Variants in TRPC7 observed in about 807,000 individuals in gnomAD.
The protein encoded by TRPC7 is transient receptor potential cation channel subfamily C member 7, also known as short transient receptor potential channel 7.
A neutral mutation model predicts 90.1 loss-of-function variants in TRPC7; 42 were observed. The observed-to-expected ratio is 0.47, with a 90% CI of 0.36 to 0.60. TRPC7 has a LOEUF of 0.60. Ranked by LOEUF, TRPC7 falls within the 20% of genes least tolerant of loss-of-function variation. The pLI is 0.00. For synonymous variants in TRPC7, 451 were observed against 436.3 expected (o/e 1.03, Z -0.42); for missense variants, 955 against 1,112.3 (o/e 0.86, Z 2.01).
chr5:136,332,982 ATG>A (rs1759546526), intron 2 of TRPC7, among the ~76,000 whole-genome samples: 1 of 152,210 alleles, frequency 6.6e-6, no homozygotes, highest in Non-Finnish European at 1.5e-5. Flanking sequence ...CAAGAGAAGA[ATG>A]TGCCTAGGTG....
intron 10 of TRPC7, among the ~76,000 whole-genome samples, chr5:136,225,059 C>T (rs376022002): frequency 5.3e-5 from 8 of 152,286 alleles, no homozygotes; most frequent in Middle Eastern, 3.4e-3. Context: ...CATCACTAGA[C>T]TGGAGGTGCC....
At position 136,357,151 on chromosome 5, in the gene TRPC7, C is replaced by T; in HGVS notation, c.237G>A (p.Gln79=). ...TGCCCACGGCCAGCTGCAGAGCGTT[C>T]TGCCCCATGTAGTCCACACAGTTGA... is the stretch of plus-strand genomic sequence containing the variant. ...LNFNCVDYMG[Q]NALQLAVGNE... Residue 79 remains glutamine, a synonymous_variant, in exon 2 of 12, where the codon CAG becomes CAA. Transcript: ENST00000513104. The T allele has an allele frequency of 6.2e-7, 1 of 1,614,126 alleles. No individual in the cohort carries two copies. The highest frequency in any genetic ancestry group is 8.5e-7 in the Non-Finnish European group (1 of 1,180,026).
In TRPC7 at chr5:136,357,185, G is replaced by C; in HGVS notation, c.203C>G (p.Thr68Ser). The C allele has an allele frequency of 1.2e-6, 2 of 1,613,974 alleles. No homozygotes were observed. Among genetic ancestry groups the C allele is most frequent in the Non-Finnish European group, 1.7e-6 (2 of 1,179,984 alleles). ...VVRKMLEESK[T>S]LNFNCVDYMG... ...GTAGTCCACACAGTTGAAGTTAAGG[G>C]TCTTGGACTCCTCCAGCATTTTCCG... The change falls in exon 2 of 12, where the codon ACC becomes AGC. Residue 68 changes from threonine (T) to serine (S), a missense_variant. By Grantham distance (58) the Thr-to-Ser change is moderately conservative. This residue lies in a region of TRPC7 where 161 missense variants were observed against 145.7 expected (regional missense o/e 1.10). Transcript: ENST00000513104.
intron 10 of TRPC7, among the ~76,000 whole-genome samples, chr5:136,218,175 C>A (rs1356492373): frequency 4.3e-5 from 6 of 138,558 alleles, no homozygotes; most frequent in Admixed American, 7.3e-5. Context: ...TAATATATAT[C>A]TCAAAAATAT....
In TRPC7 at chr5:136,315,707, CTG is replaced by C; in HGVS notation, c.851_852del (p.Thr284ArgfsTer10). 6.2e-7 allele frequency: 1 copy of C among 1,614,102 alleles called. No homozygotes were observed. Among genetic ancestry groups the C allele is most frequent in the African/African-American group, 1.3e-5 (1 of 75,054 alleles). On this transcript the variant is annotated frameshift_variant, in exon 3 of 12. Transcript: ENST00000513104. LOFTEE classifies it high-confidence loss of function. ...VVGVLDLCRD[T>X]EEVEAILNGD... ...CCGTTTAAAATTGCTTCCACCTCTTCTGTGTCTCGGCACAGGTCCAGCACGCC... is the reference window on the plus strand; with the variant it reads ...CCGTTTAAAATTGCTTCCACCTCTTCTGTCTCGGCACAGGTCCAGCACGCC...
At chr5:136,235,951 T>C (rs568939933) in intron 7 of TRPC7, among the ~76,000 whole-genome samples, 15 of 152,280 alleles carry the variant, frequency 9.9e-5, no homozygotes, top group Admixed American at 5.2e-4. Flanking sequence ...GCTATATGAG[T>C]TTGGGCATGG....
chr5:136,296,441 C>T (rs1467039888), intron 3 of TRPC7, among the ~76,000 whole-genome samples: 6 of 151,868 alleles, frequency 4.0e-5, no homozygotes, highest in Non-Finnish European at 5.9e-5. Context: ...AGAAATTCAA[C>T]TTCAGGAAAT....
At chr5:136,351,741 T>C (rs950013916) in intron 2 of TRPC7, among the ~76,000 whole-genome samples, 9 of 152,236 alleles carry the variant, frequency 5.9e-5, no homozygotes, top group African/African-American at 2.2e-4. Context: ...GGGATCTCTC[T>C]AGATATCATA....
intron 2 of TRPC7, among the ~76,000 whole-genome samples, chr5:136,317,226 A>G (rs961335793): frequency 2.6e-5 from 4 of 152,182 alleles, no homozygotes; most frequent in African/African-American, 9.7e-5. Context: ...AGGTTTTGGT[A>G]TCTAGCACAG....
intron 2 of TRPC7, among the ~76,000 whole-genome samples, chr5:136,355,711 TGG>T (rs1561731942): frequency 9.2e-5 from 14 of 152,082 alleles, no homozygotes; most frequent in African/African-American, 3.4e-4. Flanking sequence ...GGCAGGAGAA[TGG>T]CATGAACCCA....
chr5:136,243,963 C>T (rs1367942878), intron 7 of TRPC7, among the ~76,000 whole-genome samples: 1 of 152,024 alleles, frequency 6.6e-6, no homozygotes, highest in African/African-American at 2.4e-5. Flanking sequence ...TCTCTTGTGT[C>T]TAGGAAATCT....
chr5:136,236,162 A>C (rs1304899150), intron 7 of TRPC7, among the ~76,000 whole-genome samples: 1 of 152,240 alleles, frequency 6.6e-6, no homozygotes, highest in Non-Finnish European at 1.5e-5. Flanking sequence ...ACAGGTGCCC[A>C]GATCAAATGT....
intron 8 of TRPC7, among the ~76,000 whole-genome samples, chr5:136,229,192 A>G (rs1755737888): frequency 6.6e-6 from 1 of 152,192 alleles, no homozygotes. Context: ...TTAAAAATAT[A>G]TGTGTTGTTT....
chr5:136,225,991 C>G (rs1220983930), intron 9 of TRPC7, 43 bp downstream of exon 9: 11 of 1,524,578 alleles, frequency 7.2e-6, no homozygotes, highest in Middle Eastern at 1.8e-4. Context: ...CGCCTGCCCC[C>G]TCCTGCTGCC....
intron 4 of TRPC7, among the ~76,000 whole-genome samples, chr5:136,267,277 C>G (rs561433529): frequency 8.5e-5 from 13 of 152,266 alleles, no homozygotes; most frequent in Non-Finnish European, 1.5e-4. Flanking sequence ...GAGGGCTGCA[C>G]GTTGAGTACT....
At chr5:136,295,844 T>A (rs565406657) in intron 3 of TRPC7, among the ~76,000 whole-genome samples, 1 of 152,354 alleles carries the variant, frequency 6.6e-6, no homozygotes, top group Admixed American at 6.5e-5. Flanking sequence ...CGGATATACA[T>A]ATTCCTTCTT....
intron 7 of TRPC7, among the ~76,000 whole-genome samples, chr5:136,246,174 T>C (rs1756330645): frequency 6.6e-6 from 1 of 152,224 alleles, no homozygotes; most frequent in African/African-American, 2.4e-5. Context: ...CCAATTTCAG[T>C]GTCTTGCCTC....
chr5:136,258,583 G>A lies in TRPC7; in HGVS notation c.1346-6701C>T, dbSNP rs994667577. Among the ~76,000 whole-genome samples, 4 of 152,218 alleles carry A rather than the reference G, an allele frequency of 2.6e-5. No homozygotes were observed. The South Asian group carries it at 8.3e-4, about 31-fold the overall frequency. ...ACTAATAATTAAGGAGGGGTGCCTG[G>A]CAGTGGAACAGGCTGGGAAGTGCCA... On this transcript the variant is annotated intron_variant, in intron 5 of 11. Coordinates refer to ENST00000513104, the MANE Select transcript of TRPC7 (RefSeq NM_020389.3).
chr5:136,332,859 C>T (rs1053213790), intron 2 of TRPC7, among the ~76,000 whole-genome samples: 1 of 152,182 alleles, frequency 6.6e-6, no homozygotes, highest in Non-Finnish European at 1.5e-5. Flanking sequence ...ATAGGACTTG[C>T]TTCAGCCAGC....
Sources: allele counts gnomAD v4.1 joint callset (sites outside exome capture counted in the v4.1 genomes callset), GRCh38; gene constraint gnomAD v4.1.1; regional missense constraint gnomAD v4.1.1; transcripts MANE v1.5; gene names NCBI Gene and HGNC (gene_info 2026-07-23, HGNC 2026-07-21).